SLC26A7: variants seen among roughly 807,000 people sequenced by gnomAD.
SLC26A7 encodes solute carrier family 26 member 7.
In SLC26A7, 59 loss-of-function variants were observed where a neutral mutation model predicts 82.5. The observed-to-expected ratio is 0.72, with a 90% CI of 0.58 to 0.89. The LOEUF is 0.89. SLC26A7 is among the 40% of genes least tolerant of loss of function. The probability of loss-of-function intolerance (pLI) is 0.00; values close to 1 mark genes in which losing one functional copy is unlikely to be tolerated. For missense variants in SLC26A7, 820 were observed against 793.0 expected (o/e 1.03, Z -0.41); for synonymous variants, 271 against 274.3 (o/e 0.99, Z 0.12).
chr8:91,268,258 G>A (rs369227820), intron 2 of SLC26A7, among the ~76,000 whole-genome samples: 1 of 151,694 alleles, frequency 6.6e-6, no homozygotes, highest in Non-Finnish European at 1.5e-5. Context: ...TTACTGTATT[G>A]CAACTGATCT....
intron 3 of SLC26A7, among the ~76,000 whole-genome samples, chr8:91,293,343 T>C (rs867408275): frequency 6.6e-6 from 1 of 152,140 alleles, no homozygotes; most frequent in Non-Finnish European, 1.5e-5. Flanking sequence ...GAGGCAAAGA[T>C]AGAGAATTAG....
At chr8:91,322,162 A>G (rs1159295787) in intron 5 of SLC26A7, among the ~76,000 whole-genome samples, 1 of 152,214 alleles carries the variant, frequency 6.6e-6, no homozygotes, top group Non-Finnish European at 1.5e-5. Context: ...TAATGACTTT[A>G]GAATGGCTTG....
intron 1 of SLC26A7, among the ~76,000 whole-genome samples, chr8:91,216,936 C>T (rs181788607): frequency 7.2e-5 from 11 of 152,220 alleles, no homozygotes; most frequent in African/African-American, 2.6e-4. Context: ...TCACCCTCCC[C>T]GAAATGTCCT....
chr8:91,226,625 A>C (rs888678272), intron 2 of SLC26A7, among the ~76,000 whole-genome samples: 4 of 152,268 alleles, frequency 2.6e-5, no homozygotes, highest in African/African-American at 7.2e-5. Context: ...TGGCATGAAC[A>C]AAACTGGCAG....
intron 9 of SLC26A7, chr8:91,348,492 A>G (rs921233): frequency 0.059 from 22,597 of 380,286 alleles, 1,022 homozygotes; most frequent in African/African-American, 0.17. Flanking sequence ...AATAAAATAT[A>G]GATTATTTCA....
chr8:91,347,923 G>A (rs78797566), intron 9 of SLC26A7, among the ~76,000 whole-genome samples: 276 of 152,304 alleles, frequency 1.8e-3, no homozygotes, highest in Non-Finnish European at 3.2e-3. Context: ...TGTAAAGAAC[G>A]GTAAGTATGG....
rs190062973 is a variant in SLC26A7 at position 91,352,833 on chromosome 8, C to T, written c.1219-68C>T. 4.0e-6 allele frequency: 5 copies of T among 1,241,422 alleles called. No individual in the cohort carries two copies. The East Asian group carries it at 9.7e-5, about 24-fold the overall frequency. 76.9% of individuals were successfully genotyped at this position (1,241,422 alleles called of 1,614,324 possible). ...TTTAAAAACAAAAAAATAAAAATAC[C>T]TTAGCCCTTTTAAATTTAAGTTAAA... On this transcript the variant is annotated intron_variant, in intron 10 of 18. Transcript: ENST00000276609.
At chr8:91,363,394 G>A in intron 12 of SLC26A7, 78 bp from the exon 13 acceptor site, 1 of 805,202 alleles carries the variant, frequency 1.2e-6, no homozygotes, top group East Asian at 2.8e-5. Flanking sequence ...GTTATTAAAT[G>A]ACTACTTTTG....
intron 11 of SLC26A7, among the ~76,000 whole-genome samples, chr8:91,361,505 C>T (rs1814048318): frequency 6.6e-6 from 1 of 151,980 alleles, no homozygotes; most frequent in Non-Finnish European, 1.5e-5. Flanking sequence ...TTTGGGAGGA[C>T]AAGAGAGAGG....
At chr8:91,275,705 AT>A (rs1280669833) in intron 2 of SLC26A7, among the ~76,000 whole-genome samples, 1 of 152,176 alleles carries the variant, frequency 6.6e-6, no homozygotes, top group Non-Finnish European at 1.5e-5. Flanking sequence ...TTGCTGGGGA[AT>A]GGCACTGTGC....
chr8:91,241,494 T>C (rs905071056), intron 2 of SLC26A7, among the ~76,000 whole-genome samples: 3 of 152,170 alleles, frequency 2.0e-5, no homozygotes, highest in African/African-American at 7.2e-5. Flanking sequence ...GAAATATAAA[T>C]AGCTTCTGAA....
Position 91,360,306 on chromosome 8 carries a change from T to A in SLC26A7, c.1315-2047T>A, listed in dbSNP as rs181971040. Among the ~76,000 whole-genome samples the A allele has an allele frequency of 3.3e-3, 501 of 152,228 alleles. 2 individuals carry two copies. Among genetic ancestry groups the A allele is most frequent in the Non-Finnish European group, 4.7e-3 (322 of 67,998 alleles). ...TACTTAAGGTTAACACTGGGGTTAGTTTGTGTTTTGGGACTGTGAGTGCCA... is the reference window on the plus strand; with the variant it reads ...TACTTAAGGTTAACACTGGGGTTAGATTGTGTTTTGGGACTGTGAGTGCCA... On this transcript the variant is annotated intron_variant, in intron 11 of 18. Coordinates refer to ENST00000276609, the MANE Select transcript of SLC26A7 (RefSeq NM_052832.4).
intron 2 of SLC26A7, among the ~76,000 whole-genome samples, chr8:91,240,740 G>A (rs1810462408): frequency 6.6e-6 from 1 of 152,136 alleles, no homozygotes; most frequent in Admixed American, 6.5e-5. Flanking sequence ...ATGAAAACTA[G>A]CAAGTGAAAA....
chr8:91,391,845 T>C (rs1042384482), intron 16 of SLC26A7, among the ~76,000 whole-genome samples: 4 of 152,116 alleles, frequency 2.6e-5, no homozygotes, highest in Non-Finnish European at 5.9e-5. Context: ...TGGTTTTTGT[T>C]GTTGTTGTTG....
chr8:91,362,864 T>A (rs1489038130), intron 12 of SLC26A7, among the ~76,000 whole-genome samples: 1 of 152,084 alleles, frequency 6.6e-6, no homozygotes, highest in Non-Finnish European at 1.5e-5. Flanking sequence ...AGAAGTCAGA[T>A]TAATCTATTT....
intron 11 of SLC26A7, among the ~76,000 whole-genome samples, chr8:91,355,627 T>C (rs904620834): frequency 6.6e-5 from 10 of 152,202 alleles, no homozygotes; most frequent in African/African-American, 1.9e-4. Context: ...TTCTGGTTTT[T>C]GTTGATCATT....
At chr8:91,260,171 TG>T (rs915384606) in intron 2 of SLC26A7, among the ~76,000 whole-genome samples, 2 of 152,078 alleles carry the variant, frequency 1.3e-5, no homozygotes, top group Admixed American at 6.6e-5. Context: ...TCCATATGGC[TG>T]GGGAGGCCTC....
At chr8:91,239,395 A>AAAAAT (rs1554600121) in intron 2 of SLC26A7, among the ~76,000 whole-genome samples, 30 of 94,836 alleles carry the variant, frequency 3.2e-4, no homozygotes, top group African/African-American at 1.0e-3. Context: ...AAAAAAAAAA[A>AAAAAT]ATATATATAT....
intron 2 of SLC26A7, among the ~76,000 whole-genome samples, chr8:91,255,891 G>C (rs1810787439): frequency 1.3e-5 from 2 of 152,094 alleles, no homozygotes; most frequent in Admixed American, 6.6e-5. Context: ...AAAATACATT[G>C]GCAGTGAGTG....
Sources: gnomAD v4.1 joint callset for allele counts (sites outside exome capture counted in the v4.1 genomes callset) on GRCh38, gnomAD v4.1.1 for gene constraint, MANE v1.5 for transcripts, NCBI Gene and HGNC (gene_info 2026-07-23, HGNC 2026-07-21) for gene names.